ASCC1: variants seen among roughly 807,000 people sequenced by gnomAD.
The protein encoded by ASCC1 is activating signal cointegrator 1 complex subunit 1.
In ASCC1, 35 loss-of-function variants were observed where a neutral mutation model predicts 46.6. The observed-to-expected ratio is 0.75, with a 90% CI of 0.57 to 0.99. The LOEUF (loss-of-function observed/expected upper bound fraction) is 0.99. ASCC1 is among the 50% of genes least tolerant of loss of function. The pLI, the probability that ASCC1 is intolerant of heterozygous loss-of-function variation, is 0.00. For synonymous variants in ASCC1, 143 were observed against 146.6 expected, an observed-to-expected ratio of 0.98 and a Z score of 0.18; for missense variants, 376 against 428.7, an observed-to-expected ratio of 0.88 and a Z score of 1.09.
At chr10:72,148,003 A>T (rs1470504037) in intron 7 of ASCC1, among the ~76,000 whole-genome samples, 1 of 152,202 alleles carries the variant, frequency 6.6e-6, no homozygotes, top group African/African-American at 2.4e-5. Context: ...TTTAACGGGG[A>T]TGACATTTGC....
At chr10:72,209,058 G>C (rs1416648886) in intron 3 of ASCC1, among the ~76,000 whole-genome samples, 2 of 151,442 alleles carry the variant, frequency 1.3e-5, no homozygotes, top group Non-Finnish European at 2.9e-5. Context: ...CCAGCTATTT[G>C]GGGGGTTTAA....
rs1186230641 is a variant in ASCC1, at chr10:72,185,597, G to T, written c.489+11214C>A. Reference sequence around the variant, plus strand: ...CCATTCATTTAAAATTCTAGAAAAGGGAAACCTAATAGCAACACAAAATAG... The same window carrying T: ...CCATTCATTTAAAATTCTAGAAAAGTGAAACCTAATAGCAACACAAAATAG... On this transcript the variant is annotated intron_variant, in intron 5 of 9. Coordinates refer to ENST00000672957, the MANE Select transcript of ASCC1 (RefSeq NM_001198800.3). 4.6e-5 allele frequency among the ~76,000 whole-genome samples: 7 copies of T among 152,202 alleles called. 1 individual carries two copies. In the East Asian group the frequency reaches 1.3e-3, roughly 29 times the overall value.
chr10:72,160,914 T>C (rs558420796), intron 6 of ASCC1, among the ~76,000 whole-genome samples: 3 of 151,610 alleles, frequency 2.0e-5, no homozygotes, highest in Admixed American at 6.6e-5. Context: ...AAACCCCGTC[T>C]CTACTAAAAA....
chr10:72,147,585 T>A (rs1005054821), intron 7 of ASCC1, among the ~76,000 whole-genome samples: 1 of 152,108 alleles, frequency 6.6e-6, no homozygotes, highest in East Asian at 1.9e-4. Context: ...AATTTTCCAC[T>A]CTAAGAATTG....
chr10:72,135,758 G>A (rs980487079), intron 7 of ASCC1, among the ~76,000 whole-genome samples: 3 of 152,230 alleles, frequency 2.0e-5, no homozygotes, highest in African/African-American at 7.2e-5. Context: ...AGATGGCTGG[G>A]ACAGTGGCAC....
At chr10:72,159,396 C>A (rs1281005526) in intron 6 of ASCC1, 2 of 152,054 alleles carry the variant, frequency 1.3e-5, no homozygotes, top group African/African-American at 2.4e-5. Context: ...TTAGGATAAA[C>A]CTTCAGTGAT....
chr10:72,138,269 A>G (rs1211775545), intron 7 of ASCC1, among the ~76,000 whole-genome samples: 1 of 152,162 alleles, frequency 6.6e-6, no homozygotes, highest in Non-Finnish European at 1.5e-5. Context: ...TTTCCCCCTT[A>G]ATCTCTTGAA....
At chr10:72,175,295 C>A (rs564029649) in intron 5 of ASCC1, among the ~76,000 whole-genome samples, 1 of 152,330 alleles carries the variant, frequency 6.6e-6, no homozygotes, top group Admixed American at 6.5e-5. Context: ...GTCTCTGGCA[C>A]ACAGTAGTAT....
At chr10:72,205,848 C>T (rs1465403102) in intron 3 of ASCC1, among the ~76,000 whole-genome samples, 2 of 151,612 alleles carry the variant, frequency 1.3e-5, no homozygotes, top group South Asian at 4.2e-4. Context: ...TGGTGTCTCA[C>T]GCCTGTAATC....
At chr10:72,137,270 T>C (rs1438163900) in intron 7 of ASCC1, among the ~76,000 whole-genome samples, 3 of 151,498 alleles carry the variant, frequency 2.0e-5, no homozygotes, top group African/African-American at 7.3e-5. Context: ...GGCTCACGCC[T>C]GTAATCCCAG....
At chr10:72,190,494 A>C in intron 5 of ASCC1, 2 of 1,595,958 alleles carry the variant, frequency 1.3e-6, no homozygotes, top group Non-Finnish European at 1.7e-6. Context: ...GGAAAGGGCC[A>C]TAAGTTCCAC....
chr10:72,213,231 T>C lies in ASCC1; in HGVS notation c.68A>G (p.Glu23Gly). The C allele has an allele frequency of 4.3e-6, 7 of 1,614,048 alleles. No individual in the cohort carries two copies. Among genetic ancestry groups the C allele is most frequent in the Non-Finnish European group, 5.9e-6 (7 of 1,179,944 alleles). ...ATCTTCTTCATGTTGATAGGTCTGTTCTTGGACTGGATTCTTCCTGTAATT... is the reference window on the plus strand; with the variant it reads ...ATCTTCTTCATGTTGATAGGTCTGTCCTTGGACTGGATTCTTCCTGTAATT... ...GRNYRKNPVQ[E>G]QTYQHEEDEE... The change falls in exon 2 of 10, where the codon GAA becomes GGA. Residue 23 changes from glutamate to glycine, a missense_variant. Coordinates refer to ENST00000672957, the MANE Select transcript of ASCC1 (RefSeq NM_001198800.3).
intron 4 of ASCC1, among the ~76,000 whole-genome samples, chr10:72,202,687 T>C (rs948501820): frequency 2.6e-5 from 4 of 152,180 alleles, no homozygotes; most frequent in Non-Finnish European, 5.9e-5. Flanking sequence ...TCATTACTCT[T>C]ATAATTTCCT....
chr10:72,126,511 G>A (rs1346025370), intron 9 of ASCC1, among the ~76,000 whole-genome samples: 6 of 152,094 alleles, frequency 3.9e-5, no homozygotes, highest in East Asian at 3.8e-4. Flanking sequence ...CTGCTCATAC[G>A]GCCACCCAAC....
chr10:72,190,808 C>T (rs1854320854), intron 5 of ASCC1, among the ~76,000 whole-genome samples: 1 of 151,572 alleles, frequency 6.6e-6, no homozygotes, highest in Non-Finnish European at 1.5e-5. Flanking sequence ...CCATCCTGGC[C>T]AACATGGTGA....
At chr10:72,151,066 T>C (rs2132536617) in intron 7 of ASCC1, among the ~76,000 whole-genome samples, 1 of 152,318 alleles carries the variant, frequency 6.6e-6, no homozygotes, top group South Asian at 2.1e-4. Flanking sequence ...GAACTAGAAA[T>C]ACCATTTGAC....
intron 5 of ASCC1, among the ~76,000 whole-genome samples, chr10:72,166,976 T>G (rs1850427268): frequency 6.6e-6 from 1 of 152,202 alleles, no homozygotes; most frequent in Non-Finnish European, 1.5e-5. Context: ...AGCAGCCACT[T>G]TGTAAAATAT....
intron 5 of ASCC1, among the ~76,000 whole-genome samples, chr10:72,174,140 G>A (rs1020030717): frequency 6.6e-6 from 1 of 152,174 alleles, no homozygotes; most frequent in African/African-American, 2.4e-5. Flanking sequence ...CTAAGTCACA[G>A]TTCACCGAGT....
chr10:72,205,418 G>A (rs1857063948), intron 3 of ASCC1, among the ~76,000 whole-genome samples: 1 of 152,138 alleles, frequency 6.6e-6, no homozygotes, highest in African/African-American at 2.4e-5. Context: ...ATCACCTGAG[G>A]TGAGGAGATC....
Sources: gnomAD v4.1 joint callset for allele counts (sites outside exome capture counted in the v4.1 genomes callset) on GRCh38, gnomAD v4.1.1 for gene constraint, MANE v1.5 for transcripts, NCBI Gene and HGNC (gene_info 2026-07-23, HGNC 2026-07-21) for gene names.